Variants in SLU7 observed in about 807,000 individuals in gnomAD.
SLU7 encodes pre-mRNA-splicing factor SLU7.
In SLU7, 60 loss-of-function variants were observed where a neutral mutation model predicts 87.0. The ratio of observed to expected loss-of-function variants is 0.69; its 90% CI spans 0.56 to 0.86. The LOEUF is 0.86. SLU7 is among the 40% of genes least tolerant of loss of function. The pLI, the probability that SLU7 is intolerant of heterozygous loss-of-function variation, is 0.00. For missense variants in SLU7, 507 were observed against 686.6 expected, an observed-to-expected ratio of 0.74 and a Z score of 2.92; for synonymous variants, 197 against 222.0, an observed-to-expected ratio of 0.89 and a Z score of 1.00.
rs755515239 is a variant in SLU7 at position 160,412,534 on chromosome 5, A to AAAAG, written c.571-19_571-16dup. 2 of 1,283,434 alleles carry AAAAG rather than the reference A, an allele frequency of 1.6e-6. No individual in the cohort carries two copies. Among genetic ancestry groups the AAAAG allele is most frequent in the East Asian group, 2.6e-5 (1 of 38,954 alleles). The allele number at this position is 1,283,434 out of a possible 1,614,324, so 79.5% of individuals were successfully genotyped here. On this transcript the variant is annotated splice_polypyrimidine_tract_variant and intron_variant, in intron 5 of 15. Transcript: ENST00000297151. ...GTTCGTTTTGCCTTTAAAAAAAAAA[A>AAAAG]AAAGAAAGAAAGAAAGAAAAAGTAA...
intron 14 of SLU7, 93 bp from the exon 15 acceptor site, chr5:160,404,649 C>A (rs1388201460): frequency 5.1e-6 from 5 of 975,042 alleles, no homozygotes; most frequent in Non-Finnish European, 7.8e-6. Context: ...TCACTTGAAC[C>A]CAGGAGGCGG....
chr5:160,414,021 G>T (rs200440369), intron 3 of SLU7, 42 bp from the exon 4 acceptor site: 2 of 1,217,932 alleles, frequency 1.6e-6, no homozygotes, highest in Non-Finnish European at 1.1e-6. Flanking sequence ...TCTTAACCAC[G>T]TAAGTTAGAA....
chr5:160,412,905 T>G (rs1427900040), intron 5 of SLU7, among the ~76,000 whole-genome samples: 2 of 151,636 alleles, frequency 1.3e-5, no homozygotes, highest in Non-Finnish European at 2.9e-5. Flanking sequence ...TCCAGATTTT[T>G]ATATGAAATC....
intron 11 of SLU7, among the ~76,000 whole-genome samples, chr5:160,406,950 G>A (rs1765039912): frequency 6.6e-6 from 1 of 152,168 alleles, no homozygotes; most frequent in African/African-American, 2.4e-5. Flanking sequence ...TTGAATCTGG[G>A]CCTGACCATG....
At chr5:160,417,994 T>A (rs566875300) in intron 1 of SLU7, among the ~76,000 whole-genome samples, 2 of 152,154 alleles carry the variant, frequency 1.3e-5, no homozygotes, top group Non-Finnish European at 2.9e-5. Flanking sequence ...TAACAAACCG[T>A]GCTCCCTGTA....
chr5:160,418,755 G>T (rs982535561), intron 1 of SLU7: 6 of 152,228 alleles, frequency 3.9e-5, no homozygotes, highest in African/African-American at 1.2e-4. Flanking sequence ...TCCGGGGATT[G>T]CTCAAGGTCT....
At position 160,416,507 on chromosome 5, in the gene SLU7, G is replaced by A. The variant is rs766132596; in HGVS notation, c.-16-1197C>T. ...GGCCAGAGGCATTTAAACTCAATAC[G>A]TCTTAATTCAATCTCATGATCTTCC... On this transcript the variant is annotated intron_variant, in intron 1 of 15. Coordinates refer to ENST00000297151, the MANE Select transcript of SLU7 (RefSeq NM_006425.5). Among the ~76,000 whole-genome samples, 11 of 152,162 alleles carry A rather than the reference G, an allele frequency of 7.2e-5. No homozygotes were observed. In the East Asian group the frequency reaches 1.5e-3, roughly 21 times the overall value.
chr5:160,406,348 A>ATTT, intron 12 of SLU7, 120 bp downstream of exon 12: 81 of 617,402 alleles, frequency 1.3e-4, no homozygotes, highest in Non-Finnish European at 1.8e-4. Context: ...AACAGTTAAA[A>ATTT]TTTTTTTTTT....
intron 15 of SLU7, among the ~76,000 whole-genome samples, chr5:160,404,211 A>G (rs2910181): frequency 0.33 from 50,615 of 152,048 alleles, 8,729 homozygotes; most frequent in South Asian, 0.4. Flanking sequence ...AAAAAAATAC[A>G]GAAATTAGCT....
intron 6 of SLU7, 84 bp from the exon 7 acceptor site, chr5:160,408,781 TTA>T (rs375691503): frequency 0.017 from 4,686 of 274,674 alleles, 77 homozygotes; most frequent in Middle Eastern, 0.045. Flanking sequence ...TAAAGTATTA[TTA>T]TCTTATTATA....
At chr5:160,409,007 ACT>A (rs1030136174) in intron 6 of SLU7, among the ~76,000 whole-genome samples, 1 of 151,698 alleles carries the variant, frequency 6.6e-6, no homozygotes, top group African/African-American at 2.4e-5. Context: ...ATTTTATTAC[ACT>A]GTCTATAAAG....
In SLU7 at chr5:160,407,877, G is replaced by T; in HGVS notation, c.918-64C>A. ...TTAAGGAAAATTAATTCGTAAAACT[G>T]AATCTGAATTAAAATGAACACCATC... On this transcript the variant is annotated intron_variant, in intron 9 of 15. Transcript: ENST00000297151. The surrounding 1 kb of genome is among the most constrained non-coding windows in gnomAD (Gnocchi z 4.2). 1 of 1,490,720 alleles carries T rather than the reference G, an allele frequency of 6.7e-7. No homozygotes were observed. The highest frequency in any genetic ancestry group is 9.3e-7 in the Non-Finnish European group (1 of 1,070,240). The allele number at this position is 1,490,720 out of a possible 1,614,324, so 92.3% of individuals were successfully genotyped here. A position where few individuals can be genotyped will look rare whatever the true frequency, so the allele number is the denominator to read the frequency against.
intron 14 of SLU7, 50 bp from the exon 15 acceptor site, chr5:160,404,606 A>G: frequency 1.5e-6 from 2 of 1,301,234 alleles, no homozygotes; most frequent in Non-Finnish European, 2.2e-6. Context: ...AACAAAGCTC[A>G]GGTGCACTAC....
Position 160,414,386 on chromosome 5 carries a change from C to T in SLU7, c.257G>A (p.Arg86Lys). 1 of 1,611,632 alleles carries T rather than the reference C, an allele frequency of 6.2e-7. No homozygotes were observed. The highest frequency in any genetic ancestry group is 8.5e-7 in the Non-Finnish European group (1 of 1,178,836). ...CTGCTTTTGTTTTTCTGGTTGTGGT[C>T]TCTGGTGTTTTAAAGTAGGTCTTTT... ...PSKRPTLKHQ[R>K]PQPEKQKQFS... Residue 86 changes from arginine to lysine, a missense_variant, in exon 3 of 16, where the codon AGA becomes AAA. Around this residue, in one of 6 missense-constraint regions of SLU7, gnomAD observed 26 missense variants for 78.9 expected, o/e 0.33. Transcript: ENST00000297151.
Position 160,408,682 on chromosome 5 carries a change from G to T in SLU7, c.655C>A (p.Gln219Lys). ...GAATTTGGTTCCTCTTCTCCCCACT[G>T]GTGTTTTGGAGAATTCTGCATCATG... is the stretch of plus-strand genomic sequence containing the variant. ...LVEQANSPKH[Q>K]WGEEEPNSQM... Residue 219 changes from glutamine (Q) to lysine (K), a missense_variant, in exon 7 of 16, where the codon CAG becomes AAG. Physicochemically the swap from Gln to Lys is moderately conservative, Grantham distance 53. Transcript: ENST00000297151. 6.4e-7 allele frequency: 1 copy of T among 1,559,576 alleles called. No homozygotes were observed. Among genetic ancestry groups the T allele is most frequent in the Non-Finnish European group, 8.7e-7 (1 of 1,143,526 alleles).
At chr5:160,418,837 TGGCAGGGCAC>T (rs1278789078) in intron 1 of SLU7, 176 bp downstream of exon 1, 1 of 152,318 alleles carries the variant, frequency 6.6e-6, no homozygotes, top group African/African-American at 2.4e-5. Flanking sequence ...AGGCCTGGCC[TGGCAGGGCAC>T]GAGTGCCATG....
chr5:160,410,927 C>CTGG (rs1765205389), intron 6 of SLU7, among the ~76,000 whole-genome samples: 2 of 151,134 alleles, frequency 1.3e-5, no homozygotes, highest in Non-Finnish European at 2.9e-5. Flanking sequence ...AGTGCAGCGG[C>CTGG]ATGATCTTGG....
At position 160,408,630 on chromosome 5, in the gene SLU7, A is replaced by T; in HGVS notation, c.687+20T>A. ...ATTTAAAAATTTAACATATACTCAG[A>T]GACAGCAAATATGTATTACCATCTG... On this transcript the variant is annotated intron_variant, in intron 7 of 15. Transcript: ENST00000297151. 1 of 1,502,664 alleles carries T rather than the reference A, an allele frequency of 6.7e-7. No homozygotes were observed. The allele number at this position is 1,502,664 out of a possible 1,614,324, so 93.1% of individuals were successfully genotyped here.
chr5:160,410,994 T>C (rs531072073), intron 6 of SLU7, among the ~76,000 whole-genome samples: 2 of 150,934 alleles, frequency 1.3e-5, no homozygotes. Context: ...GCCTCCCGAG[T>C]AGCTGGGACT....
Sources: allele counts gnomAD v4.1 joint callset (sites outside exome capture counted in the v4.1 genomes callset), GRCh38; gene constraint gnomAD v4.1.1; regional missense constraint gnomAD v4.1.1; non-coding constraint Gnocchi (gnomAD v3.1); transcripts MANE v1.5; gene names NCBI Gene and HGNC (gene_info 2026-07-23, HGNC 2026-07-21).